PHLPP1: variants seen among roughly 807,000 people sequenced by gnomAD.
The protein encoded by PHLPP1 is PH domain leucine-rich repeat-containing protein phosphatase 1.
A neutral mutation model predicts 117.2 loss-of-function variants in PHLPP1; 42 were observed. The observed-to-expected ratio is 0.36, with a 90% CI of 0.28 to 0.46. The LOEUF (loss-of-function observed/expected upper bound fraction) is 0.46. PHLPP1 is among the 20% of genes least tolerant of loss of function. PHLPP1 has a pLI of 1.00. For missense variants in PHLPP1, 2,084 were observed against 2,241.9 expected (o/e 0.93, Z 1.42); for synonymous variants, 1,042 against 970.7 (o/e 1.07, Z -1.37).
At chr18:62,897,663 C>T (rs1020376061) in intron 6 of PHLPP1, among the ~76,000 whole-genome samples, 3 of 152,094 alleles carry the variant, frequency 2.0e-5, no homozygotes, top group African/African-American at 7.2e-5. Context: ...CCCGCCACCA[C>T]ACCTGGCTAG....
At chr18:62,892,167 T>C (rs2456487) in intron 4 of PHLPP1, among the ~76,000 whole-genome samples, 97,588 of 147,146 alleles carry the variant, frequency 0.66, 32,830 homozygotes, top group Non-Finnish European at 0.71. Context: ...CGGCTCACTG[T>C]GACCTCCGCC....
Position 62,829,674 on chromosome 18 carries a change from C to T in PHLPP1, c.1577-361C>T, listed in dbSNP as rs191431787. 3.9e-4 allele frequency among the ~76,000 whole-genome samples: 60 copies of T among 152,192 alleles called. No homozygotes were observed. In the East Asian group the frequency reaches 0.011, roughly 28 times the overall value. ...GGCTGAGGCAGGAGAATTGCTTGAA[C>T]CTGGGAGGCAGAGGTTGCAATTAGT... On this transcript the variant is annotated intron_variant, in intron 1 of 16. Coordinates refer to ENST00000262719, the MANE Select transcript of PHLPP1 (RefSeq NM_194449.4).
At chr18:62,851,843 C>G (rs1009203619) in intron 3 of PHLPP1, among the ~76,000 whole-genome samples, 1 of 152,036 alleles carries the variant, frequency 6.6e-6, no homozygotes, top group Non-Finnish European at 1.5e-5. Flanking sequence ...TACCTCGAAT[C>G]ATTTTAAATG....
At chr18:62,721,820 T>A (rs917447602) in intron 1 of PHLPP1, among the ~76,000 whole-genome samples, 1 of 152,228 alleles carries the variant, frequency 6.6e-6, no homozygotes, top group African/African-American at 2.4e-5. Context: ...GATTGATATA[T>A]ACAAAGATAA....
rs869097239 is a variant in PHLPP1, at chr18:62,836,484, TAAAA to T, written c.1774-2298_1774-2295del. 1.3e-3 allele frequency among the ~76,000 whole-genome samples: 139 copies of T among 108,448 alleles called. 3 individuals carry two copies. In the East Asian group the frequency reaches 0.022, roughly 17 times the overall value. 71.1% of individuals were successfully genotyped at this position (108,448 alleles called of 152,430 possible). ...ATAAATAAATAAATAAATAAATAAA[TAAAA>T]ATAAATTACTGGATTTTGATGCAAC... On this transcript the variant is annotated intron_variant, in intron 2 of 16. Transcript: ENST00000262719.
intron 16 of PHLPP1, 74 bp downstream of exon 16, chr18:62,975,699 T>A: frequency 1.0e-6 from 1 of 953,848 alleles, no homozygotes; most frequent in Non-Finnish European, 1.7e-6. Flanking sequence ...AGAAACTAGC[T>A]AGGGAGCATT....
chr18:62,835,245 G>T (rs1230684037), intron 2 of PHLPP1, among the ~76,000 whole-genome samples: 1 of 147,096 alleles, frequency 6.8e-6, no homozygotes, highest in African/African-American at 2.5e-5. Context: ...CTCTTGTCAC[G>T]CAGGCTGGAG....
chr18:62,744,381 C>T (rs1228899151), intron 1 of PHLPP1, among the ~76,000 whole-genome samples: 1 of 152,160 alleles, frequency 6.6e-6, no homozygotes, highest in Non-Finnish European at 1.5e-5. Context: ...TTTTTTGCCT[C>T]ATGTTTTCTC....
intron 6 of PHLPP1, among the ~76,000 whole-genome samples, chr18:62,900,327 AT>A: frequency 6.7e-6 from 1 of 149,872 alleles, no homozygotes; most frequent in Non-Finnish European, 1.5e-5. Context: ...AAATAAATAA[AT>A]AAATAAATAA....
chr18:62,906,394 C>A (rs1399481869), intron 8 of PHLPP1: 1 of 151,050 alleles, frequency 6.6e-6, no homozygotes, highest in East Asian at 2.0e-4. Context: ...ATCTGAGGTA[C>A]CGGGTTCATC....
At position 62,717,334 on chromosome 18, in the gene PHLPP1, A is replaced by G. The variant is rs887711971; in HGVS notation, c.1576+75A>G. 4 of 1,508,340 alleles carry G rather than the reference A, an allele frequency of 2.7e-6. No individual in the cohort carries two copies. In the African/African-American group the frequency reaches 5.6e-5, roughly 21 times the overall value. The allele number at this position is 1,508,340 out of a possible 1,614,324, so 93.4% of individuals were successfully genotyped here. A position where few individuals can be genotyped will look rare whatever the true frequency, so the allele number is the denominator to read the frequency against. The stretch of plus-strand genomic sequence containing the variant: ...CGAGGAGTGATTCAAATTGCTTGTC[A>G]GTTTGCCCAACCCAAGAGTAAGTGC... On this transcript the variant is annotated intron_variant, in intron 1 of 16. Transcript: ENST00000262719.
In PHLPP1 at chr18:62,834,900, C is replaced by A. The variant is rs570060248; in HGVS notation, c.1774-3884C>A. Among the ~76,000 whole-genome samples the A allele has an allele frequency of 1.0e-3, 152 of 152,064 alleles. 1 individual carries two copies. Among genetic ancestry groups the A allele is most frequent in the African/African-American group, 3.4e-3 (143 of 41,492 alleles). ...CCCACTCCTCTCCATCCCTAAGAAA[C>A]CTTTTGCTTGATATCTGTCAATTTG... On this transcript the variant is annotated intron_variant, in intron 2 of 16. Coordinates refer to ENST00000262719, the MANE Select transcript of PHLPP1 (RefSeq NM_194449.4).
intron 1 of PHLPP1, among the ~76,000 whole-genome samples, chr18:62,827,364 ATTAGAG>A (rs1160557815): frequency 3.3e-4 from 50 of 152,228 alleles, no homozygotes; most frequent in African/African-American, 1.2e-3. Context: ...GTCAGTGTTT[ATTAGAG>A]AATAGGGCAA....
At chr18:62,938,831 A>T (rs1230582987) in intron 10 of PHLPP1, among the ~76,000 whole-genome samples, 1 of 152,178 alleles carries the variant, frequency 6.6e-6, no homozygotes, top group Non-Finnish European at 1.5e-5. Flanking sequence ...GCAGCTTTCT[A>T]GATGAGCATT....
At chr18:62,799,518 A>G (rs982350883) in intron 1 of PHLPP1, among the ~76,000 whole-genome samples, 5 of 152,228 alleles carry the variant, frequency 3.3e-5, no homozygotes, top group Non-Finnish European at 5.9e-5. Flanking sequence ...ACATTAGGAA[A>G]CTGAGCTCAA....
intron 1 of PHLPP1, among the ~76,000 whole-genome samples, chr18:62,776,244 T>A (rs1311178875): frequency 1.3e-5 from 2 of 152,144 alleles, no homozygotes; most frequent in African/African-American, 2.4e-5. Context: ...AGACAGGAAT[T>A]GATGTTGTAA....
chr18:62,899,902 C>G (rs1356651162), intron 6 of PHLPP1, among the ~76,000 whole-genome samples: 1 of 152,210 alleles, frequency 6.6e-6, no homozygotes, highest in Non-Finnish European at 1.5e-5. Context: ...CTCTTGGGCT[C>G]AAGTTGTTCT....
chr18:62,905,172 CTA>C, intron 7 of PHLPP1, 50 bp from the exon 8 acceptor site: 1 of 1,152,882 alleles, frequency 8.7e-7, no homozygotes, highest in Non-Finnish European at 1.2e-6. Flanking sequence ...AAAAGAGTCT[CTA>C]TGTCATTTGT....
intron 1 of PHLPP1, among the ~76,000 whole-genome samples, chr18:62,769,288 G>A (rs1159786593): frequency 1.3e-5 from 2 of 152,186 alleles, no homozygotes; most frequent in Non-Finnish European, 2.9e-5. Flanking sequence ...CCAGAGGTAG[G>A]AATGTTCTTA....
Sources: allele counts gnomAD v4.1 joint callset (sites outside exome capture counted in the v4.1 genomes callset), GRCh38; gene constraint gnomAD v4.1.1; transcripts MANE v1.5; gene names NCBI Gene and HGNC (gene_info 2026-07-23, HGNC 2026-07-21).